The following FBXL17 variants were observed in gnomAD, a reference collection of about 807,000 sequenced individuals.
The protein encoded by FBXL17 is F-box and leucine rich repeat protein 17.
In FBXL17, 22 loss-of-function variants were observed where a neutral mutation model predicts 66.2. The observed-to-expected ratio is 0.33, with a 90% CI of 0.24 to 0.47. FBXL17 has a LOEUF of 0.47. Among genes scored for constraint, FBXL17 ranks in the 20% least tolerant of loss-of-function variants. The pLI, the probability that FBXL17 is intolerant of heterozygous loss-of-function variation, is 1.00. For synonymous variants in FBXL17, 474 were observed against 400.5 expected (o/e 1.18, Z -2.19); for missense variants, 878 against 948.2 (o/e 0.93, Z 0.97).
At chr5:108,138,718 A>G (rs1241214016) in intron 6 of FBXL17, among the ~76,000 whole-genome samples, 1 of 152,226 alleles carries the variant, frequency 6.6e-6, no homozygotes, top group African/African-American at 2.4e-5. Flanking sequence ...GCACTAGGCA[A>G]CAGGGAGACA....
intron 7 of FBXL17, among the ~76,000 whole-genome samples, chr5:107,900,582 C>G (rs1441192657): frequency 6.8e-6 from 1 of 146,450 alleles, no homozygotes; most frequent in Non-Finnish European, 1.5e-5. Flanking sequence ...ATGTAGTTCT[C>G]TCTCTACTGA....
intron 6 of FBXL17, among the ~76,000 whole-genome samples, chr5:108,171,997 C>A (rs553688838): frequency 6.6e-6 from 1 of 152,296 alleles, no homozygotes; most frequent in Non-Finnish European, 1.5e-5. Context: ...TCCTTGCCTT[C>A]CGCCATGATT....
intron 6 of FBXL17, among the ~76,000 whole-genome samples, chr5:108,172,394 C>G (rs1239794008): frequency 6.6e-6 from 1 of 152,152 alleles, no homozygotes; most frequent in Admixed American, 6.6e-5. Context: ...GCAAAAGACT[C>G]CACCTTTTGA....
chr5:108,203,528 C>CA (rs1179568879), intron 5 of FBXL17, among the ~76,000 whole-genome samples: 2 of 151,908 alleles, frequency 1.3e-5, no homozygotes, highest in African/African-American at 2.4e-5. Flanking sequence ...CATGGTCATC[C>CA]AAAAAAACCC....
chr5:108,085,104 A>C (rs1019278967), intron 6 of FBXL17, among the ~76,000 whole-genome samples: 6 of 152,234 alleles, frequency 3.9e-5, no homozygotes, highest in African/African-American at 1.2e-4. Flanking sequence ...AAAGTCAAAC[A>C]TATCAATTTC....
intron 6 of FBXL17, among the ~76,000 whole-genome samples, chr5:108,038,464 A>T (rs763004282): frequency 2.0e-5 from 3 of 152,102 alleles, no homozygotes; most frequent in Non-Finnish European, 4.4e-5. Flanking sequence ...TGTTTCGGTG[A>T]TGGGTACACA....
chr5:108,086,524 C>A (rs1314056012), intron 6 of FBXL17, among the ~76,000 whole-genome samples: 1 of 152,040 alleles, frequency 6.6e-6, no homozygotes, highest in Non-Finnish European at 1.5e-5. Flanking sequence ...CTCGTGTTAA[C>A]CTGACTTTTT....
intron 6 of FBXL17, among the ~76,000 whole-genome samples, chr5:108,167,306 A>G (rs1052916419): frequency 2.6e-5 from 4 of 152,216 alleles, no homozygotes; most frequent in African/African-American, 9.6e-5. Flanking sequence ...GTGATAAAGC[A>G]TCGATGATTG....
At chr5:108,046,462 C>T (rs1747257720) in intron 6 of FBXL17, among the ~76,000 whole-genome samples, 1 of 152,060 alleles carries the variant, frequency 6.6e-6, no homozygotes, top group African/African-American at 2.4e-5. Flanking sequence ...ATATGTTAGG[C>T]TTATGTTTGC....
At chr5:108,268,186 G>GTGGATATT (rs1198249910) in intron 4 of FBXL17, among the ~76,000 whole-genome samples, 1 of 152,010 alleles carries the variant, frequency 6.6e-6, no homozygotes, top group Non-Finnish European at 1.5e-5. Flanking sequence ...GATCCATAAA[G>GTGGATATT]TGGATATTCA....
chr5:108,005,270 T>A (rs944965157), intron 7 of FBXL17, among the ~76,000 whole-genome samples: 7 of 152,080 alleles, frequency 4.6e-5, no homozygotes, highest in Non-Finnish European at 8.8e-5. Context: ...ATACGTAAAG[T>A]ATCAGAGTCC....
chr5:108,120,057 C>T (rs1403893364), intron 6 of FBXL17, among the ~76,000 whole-genome samples: 1 of 152,150 alleles, frequency 6.6e-6, no homozygotes, highest in African/African-American at 2.4e-5. Flanking sequence ...TACCTTCATT[C>T]CCACTCCAAA....
chr5:108,101,018 G>A (rs1749579216), intron 6 of FBXL17, among the ~76,000 whole-genome samples: 1 of 152,214 alleles, frequency 6.6e-6, no homozygotes, highest in Non-Finnish European at 1.5e-5. Flanking sequence ...TTTGAGGGGA[G>A]AAACAGTGAA....
At chr5:108,184,747 C>CA (rs34512714) in intron 6 of FBXL17, among the ~76,000 whole-genome samples, 24,733 of 82,442 alleles carry the variant, frequency 0.3, 4,125 homozygotes, top group South Asian at 0.36. Flanking sequence ...GACTCGGTCT[C>CA]AAAAAAAAAA....
At chr5:108,036,068 T>C (rs1286968206) in intron 6 of FBXL17, among the ~76,000 whole-genome samples, 2 of 152,206 alleles carry the variant, frequency 1.3e-5, no homozygotes. Flanking sequence ...AAGAATGAGT[T>C]TGTAGAAAGT....
chr5:108,023,867 G>A (rs937800764), intron 6 of FBXL17, among the ~76,000 whole-genome samples: 45 of 152,246 alleles, frequency 3.0e-4, no homozygotes, highest in African/African-American at 1.1e-3. Flanking sequence ...TGTGCAAAGT[G>A]ATAATCTTGA....
chr5:108,188,571 A>G (rs1477977022), intron 5 of FBXL17, among the ~76,000 whole-genome samples: 1 of 152,230 alleles, frequency 6.6e-6, no homozygotes, highest in Non-Finnish European at 1.5e-5. Context: ...TTTTAGCAAC[A>G]TCAGAACATA....
intron 7 of FBXL17, among the ~76,000 whole-genome samples, chr5:107,994,260 T>A (rs1172899101): frequency 6.6e-6 from 1 of 152,054 alleles, no homozygotes; most frequent in Non-Finnish European, 1.5e-5. Flanking sequence ...TAATGCCAAA[T>A]AATTCCAAAT....
Position 107,860,106 on chromosome 5 carries a change from TA to T in FBXL17, c.*1613del, listed in dbSNP as rs1218516945. On this transcript the variant is annotated 3_prime_UTR_variant, in exon 9 of 9. Transcript: ENST00000542267. ...ATGCCACATCAGAAACATGTTGACA[TA>T]ATCAAAGGAAACAGTTGTTTACAAA... is the stretch of plus-strand genomic sequence containing the variant. 6.6e-6 allele frequency: 1 copy of T among 152,144 alleles called. No homozygotes were observed. Among genetic ancestry groups the T allele is most frequent in the Non-Finnish European group, 1.5e-5 (1 of 68,000 alleles). The allele number at this position is 152,144 out of a possible 1,614,324, so 9.4% of individuals were successfully genotyped here.
Sources: allele counts gnomAD v4.1 joint callset (sites outside exome capture counted in the v4.1 genomes callset), GRCh38; gene constraint gnomAD v4.1.1; transcripts MANE v1.5; gene names NCBI Gene and HGNC (gene_info 2026-07-23, HGNC 2026-07-21).